Variants in USP13 observed in about 807,000 individuals in gnomAD.
USP13 encodes the protein ubiquitin specific peptidase 13, also known as ubiquitin carboxyl-terminal hydrolase 13.
In USP13, 68 loss-of-function variants were observed where a neutral mutation model predicts 107.8. That is an observed-to-expected ratio of 0.63 (90% CI 0.52 to 0.77). USP13 has a LOEUF of 0.77. USP13 is among the 30% of genes least tolerant of loss of function. USP13 has a pLI of 0.00. For missense variants in USP13, 945 were observed against 1,093.3 expected (o/e 0.86, Z 1.91); for synonymous variants, 377 against 389.5 (o/e 0.97, Z 0.38).
chr3:179,759,414 T>C (rs1006566224), intron 16 of USP13, among the ~76,000 whole-genome samples: 1 of 152,246 alleles, frequency 6.6e-6, no homozygotes, highest in African/African-American at 2.4e-5. Flanking sequence ...TTCTTTACTA[T>C]AGGATTCTTT....
At chr3:179,764,831 C>T (rs1715122219) in intron 18 of USP13, among the ~76,000 whole-genome samples, 1 of 152,168 alleles carries the variant, frequency 6.6e-6, no homozygotes, top group Non-Finnish European at 1.5e-5. Flanking sequence ...TATCTGCTCT[C>T]AATTACTTCT....
At chr3:179,781,706 T>C (rs763679470) in intron 19 of USP13, 33 bp from the exon 20 acceptor site, 1 of 1,593,970 alleles carries the variant, frequency 6.3e-7, no homozygotes, top group Non-Finnish European at 8.6e-7. Flanking sequence ...CTGGAAATGC[T>C]GCCTTGTAAC....
intron 18 of USP13, among the ~76,000 whole-genome samples, chr3:179,764,421 A>G (rs1560079338): frequency 1.3e-5 from 2 of 152,226 alleles, no homozygotes; most frequent in South Asian, 4.1e-4. Context: ...ACTTGATATC[A>G]TCTTGAATGT....
In USP13 at chr3:179,786,330, T is replaced by C. The variant is rs1357979923; in HGVS notation, c.*2189T>C. ...TTGGGGGTGACTGGGTGGTTTGGAT[T>C]GAAATGTGGACAAAGATAGCATGTG... On this transcript the variant is annotated 3_prime_UTR_variant, in exon 21 of 21. Transcript: ENST00000263966. The C allele has an allele frequency of 6.6e-6, 1 of 152,198 alleles. No individual in the cohort carries two copies. Among genetic ancestry groups the C allele is most frequent in the African/African-American group, 2.4e-5 (1 of 41,458 alleles). 9.4% of individuals were successfully genotyped at this position (152,198 alleles called of 1,614,324 possible). A position where few individuals can be genotyped will look rare whatever the true frequency, so the allele number is the denominator to read the frequency against.
intron 20 of USP13, among the ~76,000 whole-genome samples, chr3:179,782,172 G>A (rs12107867): frequency 0.21 from 32,369 of 152,014 alleles, 5,142 homozygotes; most frequent in African/African-American, 0.45. Flanking sequence ...AAACAAGACA[G>A]GAAAAACCAG....
At position 179,719,987 on chromosome 3, in the gene USP13, G is replaced by C. The variant is rs1488181405; in HGVS notation, c.853G>C (p.Ala285Pro). 1 of 1,613,850 alleles carries C rather than the reference G, an allele frequency of 6.2e-7. No homozygotes were observed. The highest frequency in any genetic ancestry group is 8.5e-7 in the Non-Finnish European group (1 of 1,179,970). The change falls in exon 7 of 21, where the codon GCC becomes CCC. Residue 285 changes from alanine to proline, a missense_variant. Physicochemically the swap from Ala to Pro is conservative, Grantham distance 27 (BLOSUM62 -1). Coordinates refer to ENST00000263966, the MANE Select transcript of USP13 (RefSeq NM_003940.3). ...AGAACCTGTTTTGGATCCTCATTTG[G>C]CCAAGCACTTAGCGCATTTTGGAAT... is the stretch of plus-strand genomic sequence containing the variant. The part of the protein sequence containing the change: ...EEEPVLDPHL[A>P]KHLAHFGIDM...
chr3:179,698,871 A>ATT lies in USP13; in HGVS notation c.356-2124_356-2123dup, dbSNP rs397688832. On this transcript the variant is annotated intron_variant, in intron 3 of 20. Transcript: ENST00000263966. ...ATAATATTCTATTGGGTTGAATACT[A>ATT]TTTTTTTTTTTTTTCTGAGATGGAG... 3.9e-3 allele frequency among the ~76,000 whole-genome samples: 558 copies of ATT among 144,430 alleles called. 7 individuals are homozygous for ATT. The highest frequency in any genetic ancestry group is 8.8e-3 in the African/African-American group (345 of 39,040). The allele number at this position is 144,430 out of a possible 152,430, so 94.8% of individuals were successfully genotyped here.
chr3:179,765,347 G>A (rs1715138845), intron 18 of USP13, among the ~76,000 whole-genome samples: 2 of 152,196 alleles, frequency 1.3e-5, no homozygotes, highest in Admixed American at 6.5e-5. Context: ...AGAAAGAGCT[G>A]CACTTAAACA....
intron 10 of USP13, among the ~76,000 whole-genome samples, chr3:179,734,313 T>C (rs940676791): frequency 6.6e-6 from 1 of 152,194 alleles, no homozygotes; most frequent in South Asian, 2.1e-4. Flanking sequence ...AAAAGGGCAT[T>C]TTTTTCTTCA....
intron 1 of USP13, among the ~76,000 whole-genome samples, chr3:179,679,949 C>T (rs1459656538): frequency 2.0e-5 from 3 of 151,874 alleles, no homozygotes; most frequent in African/African-American, 7.3e-5. Context: ...CTTAAGTGGG[C>T]GGATTGCTTG....
rs149573885 is a variant in USP13, at chr3:179,748,896, A to T, written c.1710-3389A>T. Among the ~76,000 whole-genome samples, 346 of 152,304 alleles carry T rather than the reference A, an allele frequency of 2.3e-3. 4 individuals are homozygous for T. Among genetic ancestry groups the T allele is most frequent in the African/African-American group, 8.1e-3 (335 of 41,566 alleles). On this transcript the variant is annotated intron_variant, in intron 13 of 20. Coordinates refer to ENST00000263966, the MANE Select transcript of USP13 (RefSeq NM_003940.3). ...CAGCTTCCCTATCTGTAAACTGGGG[A>T]TAATAATGGTACTTTCTTTACAGGG...
At chr3:179,659,189 G>A (rs1444399911) in intron 1 of USP13, among the ~76,000 whole-genome samples, 1 of 152,106 alleles carries the variant, frequency 6.6e-6, no homozygotes, top group Non-Finnish European at 1.5e-5. Flanking sequence ...AGGTGGGAGT[G>A]GCTGGTTTAG....
intron 2 of USP13, among the ~76,000 whole-genome samples, chr3:179,689,939 T>C (rs1712053377): frequency 6.6e-6 from 1 of 152,216 alleles, no homozygotes; most frequent in Non-Finnish European, 1.5e-5. Context: ...GCTCCTGCCC[T>C]CTTGGGAGCA....
chr3:179,678,671 A>T lies in USP13; in HGVS notation c.169-3207A>T, dbSNP rs142859335. ...GACAGGGTTTCTCCATGTTGCCCAG[A>T]CTGGTCTTGAACTCCTGGGCTCAAA... On this transcript the variant is annotated intron_variant, in intron 1 of 20. Transcript: ENST00000263966. The surrounding 1 kb of genome is among the most constrained non-coding windows in gnomAD (Gnocchi z 4.2). Among the ~76,000 whole-genome samples the T allele has an allele frequency of 8.8e-4, 134 of 152,064 alleles. 1 individual carries two copies. In the East Asian group the frequency reaches 0.024, roughly 27 times the overall value.
At chr3:179,692,633 A>G (rs565106305) in intron 3 of USP13, among the ~76,000 whole-genome samples, 1 of 152,364 alleles carries the variant, frequency 6.6e-6, no homozygotes, top group East Asian at 1.9e-4. Flanking sequence ...TGAATTAAGT[A>G]ACGTCAGCAG....
chr3:179,656,160 A>T (rs996927281), intron 1 of USP13, among the ~76,000 whole-genome samples: 1 of 152,254 alleles, frequency 6.6e-6, no homozygotes, highest in African/African-American at 2.4e-5. Flanking sequence ...TGTGCAAAGA[A>T]GATACAACGT....
chr3:179,701,042 T>C lies in USP13; in HGVS notation c.390T>C (p.Asp130=). 6.2e-7 allele frequency: 1 copy of C among 1,613,984 alleles called. No individual in the cohort carries two copies. The highest frequency in any genetic ancestry group is 8.5e-7 in the Non-Finnish European group (1 of 1,180,004). The change falls in exon 4 of 21, where the codon GAT becomes GAC. Residue 130 remains aspartate (D), a synonymous_variant. Transcript: ENST00000263966. ...CTGATGACGATTTAAATAGCGACGA[T>C]TATGAATATGAAGATGAAGCCAAAC... ...LDTDDDLNSD[D]YEYEDEAKLV...
intron 1 of USP13, among the ~76,000 whole-genome samples, chr3:179,658,911 G>T (rs1002386212): frequency 7.9e-5 from 12 of 152,336 alleles, no homozygotes; most frequent in Admixed American, 7.2e-4. Flanking sequence ...TGCAGCTGAG[G>T]CTAAGACTGT....
intron 20 of USP13, among the ~76,000 whole-genome samples, chr3:179,782,308 C>T (rs1715776657): frequency 1.3e-5 from 2 of 152,194 alleles, no homozygotes; most frequent in African/African-American, 4.8e-5. Flanking sequence ...TATTGCTTAC[C>T]TGATACTCAG....
Sources: allele counts gnomAD v4.1 joint callset (sites outside exome capture counted in the v4.1 genomes callset), GRCh38; gene constraint gnomAD v4.1.1; non-coding constraint Gnocchi (gnomAD v3.1); transcripts MANE v1.5; gene names NCBI Gene and HGNC (gene_info 2026-07-23, HGNC 2026-07-21).